Variants in PSKH1 observed in about 807,000 individuals in gnomAD.
PSKH1 encodes the protein protein serine kinase H1, also known as serine/threonine-protein kinase H1.
PSKH1 carries 12 observed loss-of-function variants against 26.7 expected under a neutral mutation model. The observed-to-expected ratio is 0.45, with a 90% CI of 0.29 to 0.73. PSKH1 has a LOEUF of 0.73. PSKH1 is among the 30% of genes least tolerant of loss of function. The probability of loss-of-function intolerance (pLI) is 0.11; values close to 1 mark genes in which losing one functional copy is unlikely to be tolerated. For synonymous variants in PSKH1, 213 were observed against 234.3 expected (o/e 0.91, Z 0.83); for missense variants, 431 against 595.2 (o/e 0.72, Z 2.87).
At chr16:67,899,642 T>TTTTA (rs1306291998) in intron 1 of PSKH1, among the ~76,000 whole-genome samples, 2 of 145,198 alleles carry the variant, frequency 1.4e-5, no homozygotes, top group African/African-American at 2.6e-5. Context: ...CCCACATTTC[T>TTTTA]TTTATTTATT....
chr16:67,895,661 C>T (rs1002928669), intron 1 of PSKH1, among the ~76,000 whole-genome samples: 3 of 152,194 alleles, frequency 2.0e-5, no homozygotes, highest in African/African-American at 7.2e-5. Context: ...CCCGTCTCAG[C>T]CTCCCAAAGT....
chr16:67,906,796 G>A (rs1451935149), intron 1 of PSKH1, among the ~76,000 whole-genome samples: 2 of 152,096 alleles, frequency 1.3e-5, no homozygotes, highest in African/African-American at 4.8e-5. Context: ...CCTTGTCCAG[G>A]GCCCCACCAG....
intron 1 of PSKH1, chr16:67,902,911 G>T (rs1159571969): frequency 6.6e-6 from 1 of 152,100 alleles, no homozygotes; most frequent in East Asian, 1.9e-4. Flanking sequence ...TGCATGAGGT[G>T]TTGTGTTTTC....
chr16:67,915,884 G>A (rs756337201), intron 2 of PSKH1, among the ~76,000 whole-genome samples: 4 of 152,194 alleles, frequency 2.6e-5, no homozygotes, highest in Non-Finnish European at 5.9e-5. Flanking sequence ...GAAAATGCAA[G>A]AGACGTGAAG....
Position 67,927,499 on chromosome 16 carries a change from C to T in PSKH1, c.1132C>T (p.Arg378Cys), listed in dbSNP as rs145190865. 59 of 1,614,088 alleles carry T rather than the reference C, an allele frequency of 3.7e-5. 1 individual carries two copies. The highest frequency in any genetic ancestry group is 2.3e-4 in the African/African-American group (17 of 74,944). ...CTCCATATCCCAGAACCTCCTTAAA[C>T]GTGCCTCCTCGCGCTGCCAGAGCAC... ...HRSISQNLLK[R>C]ASSRCQSTKS... The change falls in exon 3 of 3, where the codon CGT becomes TGT. Residue 378 changes from arginine (R) to cysteine (C), a missense_variant. Arg to Cys is a radical substitution (Grantham distance 180, BLOSUM62 -3). Transcript: ENST00000291041. This position sits in a 1 kb window ranked among gnomAD's most constrained non-coding sequence, Gnocchi z 5.5.
chr16:67,917,929 CA>C (rs1261019501), intron 2 of PSKH1, among the ~76,000 whole-genome samples: 2 of 152,106 alleles, frequency 1.3e-5, no homozygotes, highest in African/African-American at 4.8e-5. Flanking sequence ...GTGGAGAGGG[CA>C]TGCTGGAAGT....
intron 1 of PSKH1, among the ~76,000 whole-genome samples, chr16:67,901,747 C>A (rs537685147): frequency 1.3e-5 from 2 of 151,810 alleles, no homozygotes; most frequent in East Asian, 3.9e-4. Context: ...CTATCCTCCA[C>A]CTCAGCTTCC....
Position 67,927,871 on chromosome 16 carries a change from G to A in PSKH1, c.*229G>A. The stretch of plus-strand genomic sequence containing the variant: ...AGGGGGCTGTGACTCCCCCTGAACT[G>A]GGAGCCTGGCCTGGCACTGATACCC... On this transcript the variant is annotated 3_prime_UTR_variant, in exon 3 of 3. Transcript: ENST00000291041. The surrounding 1 kb of genome is among the most constrained non-coding windows in gnomAD (Gnocchi z 5.5). 1.7e-6 allele frequency: 1 copy of A among 581,646 alleles called. No individual in the cohort carries two copies. The highest frequency in any genetic ancestry group is 2.9e-5 in the East Asian group (1 of 34,374). 36.0% of individuals were successfully genotyped at this position (581,646 alleles called of 1,614,324 possible).
Position 67,927,674 on chromosome 16 carries a change from C to T in PSKH1, c.*32C>T. On this transcript the variant is annotated 3_prime_UTR_variant, in exon 3 of 3. Coordinates refer to ENST00000291041, the MANE Select transcript of PSKH1 (RefSeq NM_006742.3). This position sits in a 1 kb window ranked among gnomAD's most constrained non-coding sequence, Gnocchi z 5.5. Reference sequence around the variant, plus strand: ...TGGCTGTGCACACATGCAGCACGACCCAGCCTGGCCACACACTGTGGTGCC... The same window carrying T: ...TGGCTGTGCACACATGCAGCACGACTCAGCCTGGCCACACACTGTGGTGCC... 2 of 1,566,046 alleles carry T rather than the reference C, an allele frequency of 1.3e-6. No homozygotes were observed. Among genetic ancestry groups the T allele is most frequent in the Non-Finnish European group, 1.7e-6 (2 of 1,160,444 alleles).
At chr16:67,899,437 G>A (rs1046521038) in intron 1 of PSKH1, among the ~76,000 whole-genome samples, 1 of 146,966 alleles carries the variant, frequency 6.8e-6, no homozygotes, top group Non-Finnish European at 1.5e-5. Context: ...CCGGGTTCAC[G>A]CCATTCTCCT....
intron 2 of PSKH1, among the ~76,000 whole-genome samples, chr16:67,922,561 G>T (rs546116725): frequency 6.6e-6 from 1 of 152,278 alleles, no homozygotes; most frequent in African/African-American, 2.4e-5. Context: ...CAAGAGGTCA[G>T]CTTAAATGCT....
At chr16:67,911,409 G>C (rs1280054172) in intron 2 of PSKH1, among the ~76,000 whole-genome samples, 1 of 151,974 alleles carries the variant, frequency 6.6e-6, no homozygotes, top group African/African-American at 2.4e-5. Context: ...CTGGCCAGGT[G>C]CGGTGGCTCA....
intron 2 of PSKH1, among the ~76,000 whole-genome samples, chr16:67,914,253 G>A (rs1215718761): frequency 6.6e-6 from 1 of 152,026 alleles, no homozygotes; most frequent in African/African-American, 2.4e-5. Context: ...GGGTTCAAGC[G>A]ATTCTCCTGC....
At chr16:67,919,512 G>C (rs2058196303) in intron 2 of PSKH1, among the ~76,000 whole-genome samples, 1 of 152,224 alleles carries the variant, frequency 6.6e-6, no homozygotes, top group Non-Finnish European at 1.5e-5. Flanking sequence ...AGGATGATCA[G>C]ATGCCCCCAT....
chr16:67,899,402 C>T (rs1420107200), intron 1 of PSKH1, among the ~76,000 whole-genome samples: 3 of 142,680 alleles, frequency 2.1e-5, no homozygotes, highest in South Asian at 2.2e-4. Flanking sequence ...GTGGCGCAAT[C>T]TCGGCTCACT....
At position 67,899,642 on chromosome 16, in the gene PSKH1, T is replaced by TTTTATTTA. The variant is rs1306291998; in HGVS notation, c.-71+6283_-71+6290dup. On this transcript the variant is annotated intron_variant, in intron 1 of 2. Transcript: ENST00000291041. ...GAGCCACTGTGCCAGCCCACATTTC[T>TTTTATTTA]TTTATTTATTTATTTATTTTTTTGA... 1.4e-5 allele frequency among the ~76,000 whole-genome samples: 2 copies of TTTTATTTA among 145,198 alleles called. 1 individual carries two copies. The highest frequency in any genetic ancestry group is 4.3e-4 in the South Asian group (2 of 4,600).
intron 2 of PSKH1, among the ~76,000 whole-genome samples, chr16:67,921,149 A>G (rs1021143943): frequency 3.3e-5 from 5 of 152,122 alleles, no homozygotes; most frequent in Non-Finnish European, 7.4e-5. Context: ...ATTGTGGTGC[A>G]TGCCTGTAAT....
In PSKH1 at chr16:67,906,211, T is replaced by TA. The variant is rs527412436; in HGVS notation, c.-70-2468dup. Among the ~76,000 whole-genome samples, 764 of 152,148 alleles carry TA rather than the reference T, an allele frequency of 5.0e-3. 8 individuals carry two copies. The highest frequency in any genetic ancestry group is 0.017 in the African/African-American group (724 of 41,514). The stretch of plus-strand genomic sequence containing the variant: ...CCTCAGCCTCCCAAGTAGCTGGGAT[T>TA]ACAGGCATGTGCCACCAAGCCCGGC... On this transcript the variant is annotated intron_variant, in intron 1 of 2. Transcript: ENST00000291041.
chr16:67,919,681 T>C (rs765882843), intron 2 of PSKH1, among the ~76,000 whole-genome samples: 9 of 152,224 alleles, frequency 5.9e-5, no homozygotes, highest in Non-Finnish European at 1.2e-4. Flanking sequence ...GGCCACTGGA[T>C]GGAGGCAGTG....
Sources: allele counts gnomAD v4.1 joint callset (sites outside exome capture counted in the v4.1 genomes callset), GRCh38; gene constraint gnomAD v4.1.1; non-coding constraint Gnocchi (gnomAD v3.1); transcripts MANE v1.5; gene names NCBI Gene and HGNC (gene_info 2026-07-23, HGNC 2026-07-21).